TBXAS1: variants seen among roughly 807,000 people sequenced by gnomAD.
TBXAS1 encodes thromboxane A synthase 1, also known as thromboxane-A synthase.
A neutral mutation model predicts 60.7 loss-of-function variants in TBXAS1; 48 were observed. The observed-to-expected ratio is 0.79, with a 90% CI of 0.63 to 1.01. The LOEUF is 1.01. TBXAS1 is among the 50% of genes least tolerant of loss of function. The pLI is 0.00. For missense variants in TBXAS1, 685 were observed against 686.3 expected, an observed-to-expected ratio of 1.00 and a Z score of 0.02; for synonymous variants, 287 against 269.7, an observed-to-expected ratio of 1.06 and a Z score of -0.63.
At chr7:139,893,254 C>T (rs1172690238) in intron 3 of TBXAS1, among the ~76,000 whole-genome samples, 2 of 151,686 alleles carry the variant, frequency 1.3e-5, no homozygotes, top group East Asian at 1.9e-4. Flanking sequence ...TAAGCCCACA[C>T]ATCATTTGGG....
At chr7:139,959,575 C>T (rs2117363678) in intron 8 of TBXAS1, among the ~76,000 whole-genome samples, 1 of 152,258 alleles carries the variant, frequency 6.6e-6, no homozygotes, top group Admixed American at 6.5e-5. Context: ...TTTCCTCTGG[C>T]CTCTGTAGCT....
At chr7:140,006,121 G>A (rs1462493718) in intron 9 of TBXAS1, among the ~76,000 whole-genome samples, 1 of 152,210 alleles carries the variant, frequency 6.6e-6, no homozygotes, top group Middle Eastern at 3.2e-3. Context: ...GGAAAAAGAG[G>A]GAACAGAAGA....
chr7:139,827,903 G>A (rs534864872), upstream of TBXAS1, among the ~76,000 whole-genome samples: 10 of 152,248 alleles, frequency 6.6e-5, no homozygotes, highest in Admixed American at 4.6e-4. Flanking sequence ...CTGTCTCACA[G>A]CTCTTAAGAT....
intron 9 of TBXAS1, among the ~76,000 whole-genome samples, chr7:140,003,386 G>A (rs200578695): frequency 1.6e-4 from 25 of 151,972 alleles, no homozygotes; most frequent in Non-Finnish European, 3.2e-4. Context: ...TGTACTTTTA[G>A]TAGAGACAGG....
At chr7:139,793,404 G>C (rs1797451985) in intron 4 of TBXAS1, among the ~76,000 whole-genome samples, 1 of 151,978 alleles carries the variant, frequency 6.6e-6, no homozygotes, top group Admixed American at 6.6e-5. Context: ...GGATGACAGA[G>C]CGAGAATCCA....
chr7:139,982,297 A>G (rs1452925369), intron 9 of TBXAS1, among the ~76,000 whole-genome samples: 1 of 152,162 alleles, frequency 6.6e-6, no homozygotes. Context: ...ACCTCTCTCT[A>G]CTGGCTCTTC....
rs1810402608 is a variant in TBXAS1, at chr7:139,962,048, C to G, written c.949C>G (p.His317Asp). 6.2e-7 allele frequency: 1 copy of G among 1,614,226 alleles called. No homozygotes were observed. Among genetic ancestry groups the G allele is most frequent in the Admixed American group, 1.7e-5 (1 of 60,030 alleles). The change falls in exon 9 of 13, where the codon CAC becomes GAC. Residue 317 changes from histidine to aspartate, a missense_variant. His to Asp is a moderately conservative substitution (Grantham distance 81, BLOSUM62 -1). Coordinates refer to ENST00000448866, the MANE Select transcript of TBXAS1 (RefSeq NM_001061.7). ...TGCKPNPSRQ[H>D]QPSPMARPLT... ...GTGCAAGCCGAACCCTTCCCGGCAA[C>G]ACCAGCCCAGCCCTATGGCCAGGCC...
At chr7:139,839,776 A>C (rs1056350291) in intron 1 of TBXAS1, among the ~76,000 whole-genome samples, 8 of 151,544 alleles carry the variant, frequency 5.3e-5, no homozygotes, top group African/African-American at 1.7e-4. Flanking sequence ...GGATCTCTTG[A>C]GCCCAGGAGG....
At chr7:140,008,881 C>T (rs988912998) in intron 10 of TBXAS1, among the ~76,000 whole-genome samples, 1 of 152,182 alleles carries the variant, frequency 6.6e-6, no homozygotes, top group South Asian at 2.1e-4. Flanking sequence ...GGAAAGAAGG[C>T]CTTACAGGGC....
At chr7:140,010,911 A>G (rs566463374) in intron 10 of TBXAS1, among the ~76,000 whole-genome samples, 69 of 152,024 alleles carry the variant, frequency 4.5e-4, no homozygotes, top group African/African-American at 1.6e-3. Context: ...CCAGCATAGA[A>G]TTATTTTGAA....
intron 3 of TBXAS1, chr7:139,782,758 T>G (rs1421813249): frequency 6.6e-6 from 1 of 152,202 alleles, no homozygotes; most frequent in Non-Finnish European, 1.5e-5. Context: ...TTCTGTCTTT[T>G]GATATCACAC....
intron 3 of TBXAS1, among the ~76,000 whole-genome samples, chr7:139,783,326 A>G (rs1277847287): frequency 2.0e-5 from 3 of 149,336 alleles, no homozygotes; most frequent in Non-Finnish European, 4.4e-5. Flanking sequence ...ATGCCATAAG[A>G]GCATTGAGCA....
intron 4 of TBXAS1, among the ~76,000 whole-genome samples, chr7:139,933,940 A>G (rs1807538305): frequency 1.3e-5 from 2 of 151,752 alleles, no homozygotes; most frequent in South Asian, 2.1e-4. Flanking sequence ...GGTTTTAGAA[A>G]GAAACAGAAT....
intron 1 of TBXAS1, among the ~76,000 whole-genome samples, chr7:139,834,511 AAAG>A (rs1159575399): frequency 6.6e-6 from 1 of 152,184 alleles, no homozygotes; most frequent in African/African-American, 2.4e-5. Flanking sequence ...ACACAAAATA[AAAG>A]ATAAATTAAA....
intron 4 of TBXAS1, among the ~76,000 whole-genome samples, chr7:139,796,594 A>G (rs1797578521): frequency 6.6e-6 from 1 of 152,214 alleles, no homozygotes; most frequent in Non-Finnish European, 1.5e-5. Context: ...AAAACTCATA[A>G]AATGTACAAC....
chr7:139,783,500 CT>C (rs750930418), intron 3 of TBXAS1, among the ~76,000 whole-genome samples: 10 of 152,098 alleles, frequency 6.6e-5, no homozygotes, highest in Non-Finnish European at 1.3e-4. Context: ...CAACCCAACC[CT>C]GCAGAGAAAT....
intron 5 of TBXAS1, among the ~76,000 whole-genome samples, chr7:139,937,451 C>G (rs1054740398): frequency 6.6e-6 from 1 of 152,176 alleles, no homozygotes; most frequent in Non-Finnish European, 1.5e-5. Flanking sequence ...CTCATTATAT[C>G]CAATTAAACT....
chr7:139,822,323 A>G (rs17161163), intron 4 of TBXAS1, among the ~76,000 whole-genome samples: 1,518 of 151,752 alleles, frequency 0.01, 30 homozygotes, highest in African/African-American at 0.035. Flanking sequence ...TCTCTTTGGT[A>G]TTGCCCTGTA....
At chr7:139,866,589 A>T (rs1178267886) in intron 1 of TBXAS1, among the ~76,000 whole-genome samples, 3 of 110,120 alleles carry the variant, frequency 2.7e-5, no homozygotes, top group African/African-American at 1.3e-4. Context: ...CCCTGTTTCT[A>T]AAAAAAAAAA....
Sources: allele counts gnomAD v4.1 joint callset (sites outside exome capture counted in the v4.1 genomes callset), GRCh38; gene constraint gnomAD v4.1.1; transcripts MANE v1.5; gene names NCBI Gene and HGNC (gene_info 2026-07-23, HGNC 2026-07-21).